The following GPR158 variants were observed in gnomAD, a reference collection of about 807,000 sequenced individuals.
GPR158 encodes G protein-coupled receptor 158.
Under a neutral mutation model 78.2 loss-of-function variants are expected in GPR158, and 30 were observed. The ratio of observed to expected loss-of-function variants is 0.38; its 90% confidence interval spans 0.29 to 0.52. The LOEUF (loss-of-function observed/expected upper bound fraction) is 0.52, where lower values mean the gene tolerates loss of function less well. Ranked by LOEUF, GPR158 falls within the 20% of genes least tolerant of loss-of-function variation. The pLI, the probability that GPR158 is intolerant of heterozygous loss-of-function variation, is 0.83. For missense variants in GPR158, 1,463 were observed against 1,523.5 expected (o/e 0.96, Z 0.66); for synonymous variants, 581 against 591.1 (o/e 0.98, Z 0.25).
chr10:25,267,900 A>G (rs1854064511), intron 2 of GPR158, among the ~76,000 whole-genome samples: 1 of 152,184 alleles, frequency 6.6e-6, no homozygotes, highest in African/African-American at 2.4e-5. Context: ...AGAATTACCC[A>G]AATAGATGGA....
intron 2 of GPR158, among the ~76,000 whole-genome samples, chr10:25,338,079 A>G (rs1186367720): frequency 6.6e-6 from 1 of 151,284 alleles, no homozygotes; most frequent in East Asian, 1.9e-4. Context: ...TTGCCTTTTC[A>G]CTCTGTTAAT....
intron 2 of GPR158, among the ~76,000 whole-genome samples, chr10:25,310,286 G>A (rs947681135): frequency 1.1e-4 from 17 of 152,146 alleles, no homozygotes; most frequent in Admixed American, 3.9e-4. Flanking sequence ...TTACAAAACC[G>A]TTGGATTCCC....
chr10:25,543,089 G>C (rs1836609826), intron 5 of GPR158, among the ~76,000 whole-genome samples: 1 of 152,006 alleles, frequency 6.6e-6, no homozygotes, highest in South Asian at 2.1e-4. Flanking sequence ...CTGGAGGGCT[G>C]TTTCTACCAC....
chr10:25,400,450 T>C (rs1834428565), intron 3 of GPR158, among the ~76,000 whole-genome samples: 1 of 152,160 alleles, frequency 6.6e-6, no homozygotes. Flanking sequence ...AGTAAACAAA[T>C]GACTCGTGAA....
At chr10:25,253,891 A>G (rs967677958) in intron 2 of GPR158, among the ~76,000 whole-genome samples, 1 of 152,214 alleles carries the variant, frequency 6.6e-6, no homozygotes, top group Non-Finnish European at 1.5e-5. Context: ...TAATTAAAAA[A>G]CTAATACATC....
At chr10:25,328,072 C>G (rs558735926) in intron 2 of GPR158, among the ~76,000 whole-genome samples, 1 of 152,058 alleles carries the variant, frequency 6.6e-6, no homozygotes, top group African/African-American at 2.4e-5. Context: ...ATATACAGTT[C>G]GTCTGTATAA....
In GPR158 at chr10:25,599,346, A is replaced by G; in HGVS notation, c.*72A>G. Reference sequence around the variant, plus strand: ...GAGACAGAAGATATAAGAATCAAATATTCCCAAGGAGGATTTGTCAATCAA... The same window carrying G: ...GAGACAGAAGATATAAGAATCAAATGTTCCCAAGGAGGATTTGTCAATCAA... On this transcript the variant is annotated 3_prime_UTR_variant, in exon 11 of 11. Transcript: ENST00000376351. The G allele has an allele frequency of 1.8e-6, 2 of 1,132,808 alleles. No homozygotes were observed. Among genetic ancestry groups the G allele is most frequent in the Non-Finnish European group, 2.5e-6 (2 of 795,632 alleles). 70.2% of individuals were successfully genotyped at this position (1,132,808 alleles called of 1,614,324 possible).
chr10:25,552,080 A>G (rs1836732957), intron 6 of GPR158, among the ~76,000 whole-genome samples: 2 of 151,942 alleles, frequency 1.3e-5, no homozygotes, highest in African/African-American at 4.8e-5. Flanking sequence ...TCTTTTTGGG[A>G]AAAAAAAGTG....
chr10:25,294,748 T>G (rs1460076570), intron 2 of GPR158, among the ~76,000 whole-genome samples: 1 of 143,742 alleles, frequency 7.0e-6, no homozygotes, highest in Non-Finnish European at 1.5e-5. Context: ...AGAACCTCCT[T>G]CTTTGCCTCC....
At chr10:25,359,792 G>T (rs1416977574) in intron 2 of GPR158, among the ~76,000 whole-genome samples, 1 of 152,134 alleles carries the variant, frequency 6.6e-6, no homozygotes, top group East Asian at 1.9e-4. Context: ...TGGGATGGCT[G>T]GGTCAAATGG....
chr10:25,501,232 C>A (rs950365582), intron 5 of GPR158, among the ~76,000 whole-genome samples: 11 of 152,080 alleles, frequency 7.2e-5, no homozygotes, highest in Non-Finnish European at 1.6e-4. Context: ...AGCGTGGGGA[C>A]CCCTCACAGA....
chr10:25,203,123 G>T (rs542219155), intron 1 of GPR158, among the ~76,000 whole-genome samples: 2 of 152,136 alleles, frequency 1.3e-5, no homozygotes, highest in Non-Finnish European at 2.9e-5. Flanking sequence ...TTGCAAATTT[G>T]TTTAGGTTCT....
intron 2 of GPR158, among the ~76,000 whole-genome samples, chr10:25,296,292 G>GA (rs1321385509): frequency 6.6e-6 from 1 of 152,132 alleles, no homozygotes; most frequent in African/African-American, 2.4e-5. Context: ...GTTTTCCTGA[G>GA]AAAGGGGTAG....
chr10:25,533,352 C>A (rs1836450506), intron 5 of GPR158, among the ~76,000 whole-genome samples: 1 of 152,140 alleles, frequency 6.6e-6, no homozygotes, highest in Non-Finnish European at 1.5e-5. Flanking sequence ...TCTCTGCCCT[C>A]AATTTACTGA....
intron 1 of GPR158, among the ~76,000 whole-genome samples, chr10:25,190,020 A>C (rs986833390): frequency 6.6e-6 from 1 of 152,062 alleles, no homozygotes. Flanking sequence ...TTATTTTTAC[A>C]TGAAGCTCCA....
At chr10:25,329,326 GCTA>G (rs1855085369) in intron 2 of GPR158, among the ~76,000 whole-genome samples, 1 of 151,890 alleles carries the variant, frequency 6.6e-6, no homozygotes, top group Non-Finnish European at 1.5e-5. Context: ...TGTAGTCCCA[GCTA>G]CTCAGGAGGC....
chr10:25,205,813 GTTTT>G (rs752744699), intron 1 of GPR158, among the ~76,000 whole-genome samples: 12 of 148,350 alleles, frequency 8.1e-5, no homozygotes, highest in Non-Finnish European at 1.5e-4. Flanking sequence ...TATCATTTTA[GTTTT>G]TTTTTTAATT....
At chr10:25,576,564 G>T (rs950875073) in intron 7 of GPR158, among the ~76,000 whole-genome samples, 3 of 152,134 alleles carry the variant, frequency 2.0e-5, no homozygotes, top group African/African-American at 7.2e-5. Context: ...GACATAGAGA[G>T]TAATGACGAC....
At chr10:25,365,131 A>C (rs925433297) in intron 2 of GPR158, among the ~76,000 whole-genome samples, 1 of 151,824 alleles carries the variant, frequency 6.6e-6, no homozygotes, top group African/African-American at 2.4e-5. Flanking sequence ...AAGGACATAT[A>C]TACATCCTGT....
Sources: allele counts gnomAD v4.1 joint callset (sites outside exome capture counted in the v4.1 genomes callset), GRCh38; gene constraint gnomAD v4.1.1; transcripts MANE v1.5; gene names NCBI Gene and HGNC (gene_info 2026-07-23, HGNC 2026-07-21).